The following RUNDC3B variants were observed in gnomAD, a reference collection of about 807,000 sequenced individuals.
RUNDC3B encodes the protein RUN domain-containing protein 3B.
In RUNDC3B, 33 loss-of-function variants were observed where a neutral mutation model predicts 58.4. The observed-to-expected ratio is 0.56, with a 90% CI of 0.43 to 0.75. RUNDC3B has a LOEUF of 0.75. RUNDC3B is among the 30% of genes least tolerant of loss of function. The pLI, the probability that RUNDC3B is intolerant of heterozygous loss-of-function variation, is 0.00. For missense variants in RUNDC3B, 501 were observed against 535.7 expected (o/e 0.94, Z 0.64); for synonymous variants, 193 against 195.2 (o/e 0.99, Z 0.10).
chr7:87,703,640 T>C (rs1042759486), intron 3 of RUNDC3B, among the ~76,000 whole-genome samples: 1 of 152,054 alleles, frequency 6.6e-6, no homozygotes, highest in Non-Finnish European at 1.5e-5. Flanking sequence ...GTAAATTTCT[T>C]CATTTGTAAA....
At position 87,710,606 on chromosome 7, in the gene RUNDC3B, C is replaced by T. The variant is rs1318623948; in HGVS notation, c.409C>T (p.His137Tyr). The T allele has an allele frequency of 8.7e-6, 14 of 1,603,570 alleles. No individual in the cohort carries two copies. The highest frequency in any genetic ancestry group is 1.2e-5 in the Non-Finnish European group (14 of 1,173,500). Residue 137 changes from histidine (H) to tyrosine (Y), a missense_variant, in exon 4 of 11, where the codon CAT becomes TAT. Transcript: ENST00000394654. ...GATCAGAGTAGCACTCATGGAAAAACATTTATCTGAATACATCTCTACAGC... is the reference window on the plus strand; with the variant it reads ...GATCAGAGTAGCACTCATGGAAAAATATTTATCTGAATACATCTCTACAGC... ...AWIRVALMEK[H>Y]LSEYISTALR... is the part of the protein sequence containing the mutation.
intron 2 of RUNDC3B, among the ~76,000 whole-genome samples, chr7:87,690,643 T>G (rs1827923921): frequency 6.6e-6 from 1 of 152,140 alleles, no homozygotes; most frequent in African/African-American, 2.4e-5. Flanking sequence ...CATTTTTATC[T>G]GTTGCTTCGC....
At chr7:87,666,863 C>G (rs1825305193) in intron 2 of RUNDC3B, among the ~76,000 whole-genome samples, 2 of 152,056 alleles carry the variant, frequency 1.3e-5, no homozygotes, top group African/African-American at 4.8e-5. Context: ...GTTTTTGTAC[C>G]AGTACCATGC....
intron 6 of RUNDC3B, among the ~76,000 whole-genome samples, chr7:87,763,761 A>G (rs573733615): frequency 3.3e-5 from 5 of 151,884 alleles, no homozygotes; most frequent in South Asian, 2.1e-4. Context: ...ATCCAAAACC[A>G]TGGTATGACA....
intron 4 of RUNDC3B, among the ~76,000 whole-genome samples, chr7:87,737,086 G>C (rs1832030844): frequency 1.3e-5 from 2 of 150,172 alleles, no homozygotes; most frequent in South Asian, 4.2e-4. Context: ...TTTTTGTATA[G>C]GTGGGTTTCA....
At chr7:87,731,823 G>A (rs146307184) in intron 4 of RUNDC3B, among the ~76,000 whole-genome samples, 1,740 of 152,176 alleles carry the variant, frequency 0.011, 40 homozygotes, top group African/African-American at 0.04. Flanking sequence ...TAATAGCTGG[G>A]GATTTCAACA....
rs918148678 is a variant in RUNDC3B at position 87,777,926 on chromosome 7, A to G, written c.927A>G (p.Glu309=). 6.2e-7 allele frequency: 1 copy of G among 1,613,210 alleles called. No individual in the cohort carries two copies. Among genetic ancestry groups the G allele is most frequent in the African/African-American group, 1.3e-5 (1 of 74,892 alleles). ...ATAAACTGGAGAAGGAACAATTAGA[A>G]TATATAATTGTGGAGCTTCAAGATC... ...LAHKLEKEQL[E]YIIVELQDQL... The change falls in exon 8 of 11, where the codon GAA becomes GAG. Residue 309 remains glutamate, a synonymous_variant. Coordinates refer to ENST00000394654, the MANE Select transcript of RUNDC3B (RefSeq NM_001134405.2).
intron 4 of RUNDC3B, among the ~76,000 whole-genome samples, chr7:87,710,936 C>T (rs1830018059): frequency 6.6e-6 from 1 of 152,164 alleles, no homozygotes; most frequent in Non-Finnish European, 1.5e-5. Context: ...TCATTCTCCC[C>T]ATAGACTATT....
intron 10 of RUNDC3B, among the ~76,000 whole-genome samples, chr7:87,823,312 C>T (rs1837597128): frequency 6.6e-6 from 1 of 152,124 alleles, no homozygotes; most frequent in African/African-American, 2.4e-5. Context: ...ATCCAAGTCA[C>T]ATAGCCCTTT....
At chr7:87,666,224 T>C (rs1428597869) in intron 2 of RUNDC3B, among the ~76,000 whole-genome samples, 2 of 152,200 alleles carry the variant, frequency 1.3e-5, no homozygotes, top group African/African-American at 4.8e-5. Context: ...TTGATTTGCA[T>C]TTTTCTAATG....
At chr7:87,764,395 T>C (rs1833862952) in intron 6 of RUNDC3B, among the ~76,000 whole-genome samples, 1 of 151,902 alleles carries the variant, frequency 6.6e-6, no homozygotes, top group Admixed American at 6.6e-5. Context: ...TAAATATCTT[T>C]ATTCTTGAAT....
intron 2 of RUNDC3B, among the ~76,000 whole-genome samples, chr7:87,695,430 C>G (rs1828415990): frequency 6.6e-6 from 1 of 152,064 alleles, no homozygotes; most frequent in Admixed American, 6.6e-5. Flanking sequence ...AAAGTGAGAA[C>G]TCCACAAGTT....
At chr7:87,646,261 A>G (rs556708718) in intron 1 of RUNDC3B, among the ~76,000 whole-genome samples, 2 of 152,298 alleles carry the variant, frequency 1.3e-5, no homozygotes, top group South Asian at 4.1e-4. Context: ...TGATATGAAA[A>G]TATATGCACT....
At chr7:87,733,928 T>C (rs1453643489) in intron 4 of RUNDC3B, among the ~76,000 whole-genome samples, 1 of 152,164 alleles carries the variant, frequency 6.6e-6, no homozygotes, top group Non-Finnish European at 1.5e-5. Context: ...CTACAATGTA[T>C]ATGAAGAACT....
At chr7:87,814,914 T>C (rs1359387025) in intron 9 of RUNDC3B, among the ~76,000 whole-genome samples, 1 of 152,196 alleles carries the variant, frequency 6.6e-6, no homozygotes, top group Non-Finnish European at 1.5e-5. Flanking sequence ...ATATTCATTA[T>C]GAATATATGT....
intron 8 of RUNDC3B, among the ~76,000 whole-genome samples, chr7:87,789,575 G>A (rs765855430): frequency 4.6e-5 from 7 of 152,040 alleles, no homozygotes; most frequent in Non-Finnish European, 8.8e-5. Context: ...ATACATTTTG[G>A]CAGGTAATAA....
intron 1 of RUNDC3B, 76 bp downstream of exon 1, chr7:87,629,021 G>T: frequency 1.6e-6 from 2 of 1,247,688 alleles, no homozygotes; most frequent in Non-Finnish European, 2.0e-6. Flanking sequence ...GGGTCCTTGG[G>T]GGTCCCGGGC....
At chr7:87,662,839 G>C (rs556871731) in intron 2 of RUNDC3B, among the ~76,000 whole-genome samples, 1 of 152,192 alleles carries the variant, frequency 6.6e-6, no homozygotes, top group African/African-American at 2.4e-5. Flanking sequence ...ATACTGCTTT[G>C]AGTAGTATGG....
intron 8 of RUNDC3B, among the ~76,000 whole-genome samples, chr7:87,806,747 C>T (rs1343406859): frequency 6.6e-6 from 1 of 152,066 alleles, no homozygotes; most frequent in African/African-American, 2.4e-5. Flanking sequence ...TTTTATACTG[C>T]TCAGTGTAGT....
Sources: allele counts gnomAD v4.1 joint callset (sites outside exome capture counted in the v4.1 genomes callset), GRCh38; gene constraint gnomAD v4.1.1; transcripts MANE v1.5; gene names NCBI Gene and HGNC (gene_info 2026-07-23, HGNC 2026-07-21).